Variants in GALNT16 observed in about 807,000 individuals in gnomAD.
GALNT16 encodes the protein polypeptide N-acetylgalactosaminyltransferase 16.
Under a neutral mutation model 76.1 loss-of-function variants are expected in GALNT16, and 40 were observed. That is an observed-to-expected ratio of 0.53 (90% confidence interval 0.41 to 0.68). GALNT16 has a LOEUF of 0.68. Ranked by LOEUF, GALNT16 falls within the 30% of genes least tolerant of loss-of-function variation. The pLI, the probability that GALNT16 is intolerant of heterozygous loss-of-function variation, is 0.00. For missense variants in GALNT16, 621 were observed against 731.9 expected (o/e 0.85, Z 1.75); for synonymous variants, 276 against 285.2 (o/e 0.97, Z 0.32).
the GALNT16 span, among the ~76,000 whole-genome samples, chr14:69,375,431 C>T: frequency 6.6e-6 from 1 of 151,572 alleles, no homozygotes; most frequent in Non-Finnish European, 1.5e-5. Context: ...TACCATATTG[C>T]TGTTTGTTAT....
At chr14:69,322,577 G>A (rs527305964) in intron 2 of GALNT16, among the ~76,000 whole-genome samples, 1 of 152,288 alleles carries the variant, frequency 6.6e-6, no homozygotes, top group South Asian at 2.1e-4. Flanking sequence ...GGTGCCACAT[G>A]CTGCTGCTGG....
At chr14:69,335,117 T>C (rs1355936354) in intron 9 of GALNT16, among the ~76,000 whole-genome samples, 1 of 152,190 alleles carries the variant, frequency 6.6e-6, no homozygotes, top group Non-Finnish European at 1.5e-5. Context: ...GAGCCACTTA[T>C]GTGTTGTGGG....
chr14:69,340,599 C>T (rs1304486224), intron 11 of GALNT16, among the ~76,000 whole-genome samples: 1 of 152,062 alleles, frequency 6.6e-6, no homozygotes, highest in African/African-American at 2.4e-5. Context: ...ATTCTCCTGC[C>T]TCGTCCTCTA....
At chr14:69,361,192 C>T (rs531251333), downstream of GALNT16, among the ~76,000 whole-genome samples, 25 of 152,318 alleles carry the variant, frequency 1.6e-4, no homozygotes, top group African/African-American at 4.6e-4. Context: ...TACATTTTAC[C>T]GTGAGTTACA....
At position 69,261,324 on chromosome 14, in the gene GALNT16, C is replaced by T. The variant is rs1206596726; in HGVS notation, c.177+857C>T. On this transcript the variant is annotated intron_variant, in intron 1 of 14. Coordinates refer to ENST00000448469, the MANE Select transcript of GALNT16 (RefSeq NM_001168368.2). The surrounding 1 kb of genome is among the most constrained non-coding windows in gnomAD (Gnocchi z 6.4). The stretch of plus-strand genomic sequence containing the variant: ...GATCCTGTCGCCGTCTCCGTCCGAG[C>T]CCCAGGTGACAGAGCTGTGCGTGGC... Among the ~76,000 whole-genome samples the T allele has an allele frequency of 1.3e-5, 2 of 152,100 alleles. No individual in the cohort carries two copies. The highest frequency in any genetic ancestry group is 1.3e-4 in the Admixed American group (2 of 15,288).
At chr14:69,368,090 A>G in the GALNT16 span, among the ~76,000 whole-genome samples, 1 of 152,124 alleles carries the variant, frequency 6.6e-6, no homozygotes, top group Non-Finnish European at 1.5e-5. Flanking sequence ...CATAGCACAG[A>G]AGAGGACAGA....
intron 1 of GALNT16, among the ~76,000 whole-genome samples, chr14:69,293,797 C>T (rs945217359): frequency 2.0e-5 from 3 of 152,120 alleles, no homozygotes; most frequent in African/African-American, 7.2e-5. Flanking sequence ...TTAGTTATTC[C>T]CAGGACCATG....
intron 1 of GALNT16, among the ~76,000 whole-genome samples, chr14:69,298,021 T>C (rs570341952): frequency 6.6e-6 from 1 of 152,352 alleles, no homozygotes; most frequent in Admixed American, 6.5e-5. Flanking sequence ...TGCCTCATGT[T>C]AAACAGGTAG....
At chr14:69,375,559 C>T in the GALNT16 span, among the ~76,000 whole-genome samples, 3 of 152,156 alleles carry the variant, frequency 2.0e-5, no homozygotes, top group Non-Finnish European at 2.9e-5. Flanking sequence ...CTCCTCCAAC[C>T]GCAGGTTTCC....
At chr14:69,361,802 T>A (rs1367899527), downstream of GALNT16, among the ~76,000 whole-genome samples, 1 of 150,684 alleles carries the variant, frequency 6.6e-6, no homozygotes, top group Non-Finnish European at 1.5e-5. Context: ...AGGTCAGGAG[T>A]TCAAGACCAG....
intron 1 of GALNT16, among the ~76,000 whole-genome samples, chr14:69,282,792 G>A (rs187173356): frequency 6.6e-6 from 1 of 152,046 alleles, no homozygotes; most frequent in Non-Finnish European, 1.5e-5. Flanking sequence ...CATCCCTCCT[G>A]AGTAGCTAAG....
Position 69,353,717 on chromosome 14 carries a change from A to G in GALNT16, c.*1549A>G, listed in dbSNP as rs1340844498. The G allele has an allele frequency of 1.3e-5, 2 of 152,146 alleles. No homozygotes were observed. Among genetic ancestry groups the G allele is most frequent in the Non-Finnish European group, 2.9e-5 (2 of 68,036 alleles). The allele number at this position is 152,146 out of a possible 1,614,324, so 9.4% of individuals were successfully genotyped here. On this transcript the variant is annotated 3_prime_UTR_variant, in exon 15 of 15. Coordinates refer to ENST00000448469, the MANE Select transcript of GALNT16 (RefSeq NM_001168368.2). Reference sequence around the variant, plus strand: ...ATACTGCATGTGTGTGCATACATGCATTTTCCTGGGGAAAAAGTCCATGGC... The same window carrying G: ...ATACTGCATGTGTGTGCATACATGCGTTTTCCTGGGGAAAAAGTCCATGGC...
rs577807536 is a variant in GALNT16, at chr14:69,300,091, C to T, written c.178-20620C>T. ...GGGATGTTTCCTAGGGTGCTGCCTCCTTTCCCCACAAATGGCTCTGAAACT... is the reference window on the plus strand; with the variant it reads ...GGGATGTTTCCTAGGGTGCTGCCTCTTTTCCCCACAAATGGCTCTGAAACT... On this transcript the variant is annotated intron_variant, in intron 1 of 14. Coordinates refer to ENST00000448469, the MANE Select transcript of GALNT16 (RefSeq NM_001168368.2). 2.6e-5 allele frequency among the ~76,000 whole-genome samples: 4 copies of T among 152,322 alleles called. No individual in the cohort carries two copies. The East Asian group carries it at 7.7e-4, about 29-fold the overall frequency.
At chr14:69,270,924 C>G (rs978230362) in intron 1 of GALNT16, among the ~76,000 whole-genome samples, 2 of 142,276 alleles carry the variant, frequency 1.4e-5, no homozygotes, top group African/African-American at 2.8e-5. Context: ...AGCACAGCCC[C>G]CACAAATACC....
the GALNT16 span, among the ~76,000 whole-genome samples, chr14:69,375,671 T>G: frequency 6.6e-6 from 1 of 152,250 alleles, no homozygotes; most frequent in South Asian, 2.1e-4. Flanking sequence ...AGACAAGTTC[T>G]CACTCTGTTA....
chr14:69,304,546 G>A (rs1273238795), intron 1 of GALNT16, among the ~76,000 whole-genome samples: 1 of 152,164 alleles, frequency 6.6e-6, no homozygotes, highest in Non-Finnish European at 1.5e-5. Context: ...TTGTACAGCA[G>A]ACTCTAGAGC....
intron 1 of GALNT16, among the ~76,000 whole-genome samples, chr14:69,296,357 G>C (rs182624327): frequency 6.6e-6 from 1 of 152,022 alleles, no homozygotes. Context: ...GATTTGGGTG[G>C]GAACGCAGAG....
At chr14:69,346,119 C>T (rs1467729007) in intron 12 of GALNT16, among the ~76,000 whole-genome samples, 1 of 151,914 alleles carries the variant, frequency 6.6e-6, no homozygotes, top group Admixed American at 6.6e-5. Context: ...GTCTCGAACT[C>T]CTGGTCTCAA....
chr14:69,271,100 A>G (rs2044402089), intron 1 of GALNT16, among the ~76,000 whole-genome samples: 2 of 152,158 alleles, frequency 1.3e-5, no homozygotes, highest in South Asian at 4.2e-4. Context: ...TTGCGGGGGC[A>G]TGAACATGGC....
Sources: gnomAD v4.1 joint callset for allele counts (sites outside exome capture counted in the v4.1 genomes callset) on GRCh38, gnomAD v4.1.1 for gene constraint, Gnocchi (gnomAD v3.1) non-coding constraint, MANE v1.5 for transcripts, NCBI Gene and HGNC (gene_info 2026-07-23, HGNC 2026-07-21) for gene names.